PEMT: variants seen among roughly 807,000 people sequenced by gnomAD.
The protein encoded by PEMT is phospholipid methyltransferase.
A neutral mutation model predicts 27.4 loss-of-function variants in PEMT; 23 were observed. That is an observed-to-expected ratio of 0.84 (90% CI 0.60 to 1.19). PEMT has a LOEUF of 1.19. Ranked by LOEUF, PEMT falls within the 50% of genes most tolerant of loss-of-function variation. The pLI is 0.00. For synonymous variants in PEMT, 137 were observed against 139.1 expected, an observed-to-expected ratio of 0.98 and a Z score of 0.11; for missense variants, 307 against 310.1, an observed-to-expected ratio of 0.99 and a Z score of 0.07.
chr17:17,586,547 C>T (rs376614179), intron 1 of PEMT, among the ~76,000 whole-genome samples: 3 of 152,092 alleles, frequency 2.0e-5, no homozygotes, highest in Admixed American at 6.6e-5. Context: ...AGAATGCACG[C>T]GAGGGCCAAA....
chr17:17,552,236 C>T (rs1909704227), intron 2 of PEMT, among the ~76,000 whole-genome samples: 1 of 151,550 alleles, frequency 6.6e-6, no homozygotes, highest in African/African-American at 2.4e-5. Flanking sequence ...TGCTTGAACC[C>T]AGGAGGCGGA....
chr17:17,589,121 T>A (rs1010918253), intron 1 of PEMT, among the ~76,000 whole-genome samples: 1 of 152,208 alleles, frequency 6.6e-6, no homozygotes, highest in African/African-American at 2.4e-5. Flanking sequence ...CCGCCACGCC[T>A]GGCTAACTTT....
At chr17:17,576,792 C>T (rs1032116795) in intron 2 of PEMT, 128 bp downstream of exon 2, 1 of 738,158 alleles carries the variant, frequency 1.4e-6, no homozygotes, top group African/African-American at 1.7e-5. Flanking sequence ...CAGCGACAGA[C>T]ACGGGAGGGA....
chr17:17,565,733 G>T, intron 2 of PEMT, among the ~76,000 whole-genome samples: 1 of 152,384 alleles, frequency 6.6e-6, no homozygotes, highest in South Asian at 2.1e-4. Context: ...GGCTGACTCC[G>T]CACTTCTGGA....
chr17:17,527,304 T>A (rs1907743095), intron 2 of PEMT, among the ~76,000 whole-genome samples: 1 of 152,232 alleles, frequency 6.6e-6, no homozygotes, highest in Non-Finnish European at 1.5e-5. Flanking sequence ...CTCAAAGTGC[T>A]GGGATTACAG....
At position 17,586,280 on chromosome 17, in the gene PEMT, GAAAGAAAGAA is replaced by G. The variant is rs1405347898; in HGVS notation, c.96+5241_96+5250del. ...AGAAAGAAAGAAAGAAAGAAAGAAA[GAAAGAAAGAA>G]AAAAAAAAACGCAGGTGGAAAATCG... On this transcript the variant is annotated intron_variant, in intron 1 of 6. Coordinates refer to ENST00000255389, the MANE Select transcript of PEMT (RefSeq NM_148172.3). Among the ~76,000 whole-genome samples the G allele has an allele frequency of 3.9e-3, 357 of 92,392 alleles. 15 individuals are homozygous for G. The highest frequency in any genetic ancestry group is 0.014 in the African/African-American group (280 of 20,438). 60.6% of individuals were successfully genotyped at this position (92,392 alleles called of 152,430 possible). A position where few individuals can be genotyped will look rare whatever the true frequency, so the allele number is the denominator to read the frequency against.
At chr17:17,527,160 C>T (rs578223506) in intron 2 of PEMT, among the ~76,000 whole-genome samples, 2 of 152,322 alleles carry the variant, frequency 1.3e-5, no homozygotes, top group South Asian at 4.1e-4. Context: ...GCCTCAGCCT[C>T]CCGAGTAGCT....
rs148896010 is a variant in PEMT, at chr17:17,523,962, G to A, written c.205-1567C>T. ...CCCTGGCAACCACTCATCGCTTTCC[G>A]TTGCTATGGATTCACCTATTCTGGA... On this transcript the variant is annotated intron_variant, in intron 2 of 6. Coordinates refer to ENST00000255389, the MANE Select transcript of PEMT (RefSeq NM_148172.3). The surrounding 1 kb of genome is among the most constrained non-coding windows in gnomAD (Gnocchi z 4.8). Among the ~76,000 whole-genome samples the A allele has an allele frequency of 1.1e-4, 16 of 152,044 alleles. No homozygotes were observed. The highest frequency in any genetic ancestry group is 3.9e-4 in the East Asian group (2 of 5,178).
chr17:17,516,708 C>G (rs1454939646), intron 3 of PEMT, among the ~76,000 whole-genome samples: 1 of 152,108 alleles, frequency 6.6e-6, no homozygotes, highest in East Asian at 1.9e-4. Flanking sequence ...CCTCAGGTGC[C>G]AGACCAGCCT....
intron 2 of PEMT, among the ~76,000 whole-genome samples, chr17:17,526,448 G>A (rs1348763735): frequency 1.3e-5 from 2 of 152,212 alleles, no homozygotes; most frequent in African/African-American, 2.4e-5. Flanking sequence ...CCCCCACCCC[G>A]ATCCCCGGCC....
chr17:17,591,711 C>T, upstream of PEMT: 1 of 1,505,328 alleles, frequency 6.6e-7, no homozygotes, highest in Non-Finnish European at 8.9e-7. Flanking sequence ...GGGTAAGTGC[C>T]GCCAGTCGGG....
At chr17:17,527,383 C>T (rs929892604) in intron 2 of PEMT, among the ~76,000 whole-genome samples, 3 of 152,338 alleles carry the variant, frequency 2.0e-5, no homozygotes, top group East Asian at 1.9e-4. Context: ...ACGGCTCCTT[C>T]GCACTCACTG....
chr17:17,586,829 C>G (rs527831512), intron 1 of PEMT, among the ~76,000 whole-genome samples: 1 of 152,014 alleles, frequency 6.6e-6, no homozygotes, highest in Non-Finnish European at 1.5e-5. Flanking sequence ...ATGGTGAAAC[C>G]CCATCTCTAC....
chr17:17,529,643 G>A (rs373788231), intron 2 of PEMT, among the ~76,000 whole-genome samples: 15 of 152,294 alleles, frequency 9.8e-5, no homozygotes, highest in African/African-American at 3.1e-4. Flanking sequence ...CTTCACACCC[G>A]AGGGGCCATG....
chr17:17,532,225 G>A (rs1486842850), intron 2 of PEMT, among the ~76,000 whole-genome samples: 1 of 152,126 alleles, frequency 6.6e-6, no homozygotes, highest in South Asian at 2.1e-4. Context: ...ATCAAATAAA[G>A]GCATTCAGAT....
At chr17:17,553,464 G>A (rs1367301638) in intron 2 of PEMT, among the ~76,000 whole-genome samples, 3 of 152,168 alleles carry the variant, frequency 2.0e-5, no homozygotes, top group Non-Finnish European at 4.4e-5. Flanking sequence ...CCTTACCAGC[G>A]GCCACCCGGG....
At chr17:17,553,661 C>T (rs917041959) in intron 2 of PEMT, among the ~76,000 whole-genome samples, 5 of 152,254 alleles carry the variant, frequency 3.3e-5, no homozygotes, top group South Asian at 2.1e-4. Context: ...TCAGCTCCCA[C>T]GCGTGGCCTT....
chr17:17,509,912 C>G (rs1407348070), intron 4 of PEMT, among the ~76,000 whole-genome samples: 1 of 152,158 alleles, frequency 6.6e-6, no homozygotes, highest in Non-Finnish European at 1.5e-5. Flanking sequence ...TCCTCAGGCC[C>G]TTCGCCCTCT....
At chr17:17,534,912 AT>A (rs1908351025) in intron 2 of PEMT, among the ~76,000 whole-genome samples, 1 of 151,476 alleles carries the variant, frequency 6.6e-6, no homozygotes, top group African/African-American at 2.4e-5. Context: ...ATTTTATTTT[AT>A]TTTATTTTAT....
Sources: allele counts gnomAD v4.1 joint callset (sites outside exome capture counted in the v4.1 genomes callset), GRCh38; gene constraint gnomAD v4.1.1; non-coding constraint Gnocchi (gnomAD v3.1); transcripts MANE v1.5; gene names NCBI Gene and HGNC (gene_info 2026-07-23, HGNC 2026-07-21).